PDZD8: variants seen among roughly 807,000 people sequenced by gnomAD.
PDZD8 encodes PDZ domain containing 8, also known as PDZ domain-containing protein 8.
Under a neutral mutation model 85.8 loss-of-function variants are expected in PDZD8, and 14 were observed. The ratio of observed to expected loss-of-function variants is 0.16; its 90% confidence interval spans 0.11 to 0.26. The LOEUF (loss-of-function observed/expected upper bound fraction) is 0.26, where lower values mean the gene tolerates loss of function less well. PDZD8 is among the 10% of genes least tolerant of loss of function. The pLI, the probability that PDZD8 is intolerant of heterozygous loss-of-function variation, is 1.00. For missense variants in PDZD8, 1,197 were observed against 1,424.3 expected (o/e 0.84, Z 2.57); for synonymous variants, 592 against 568.6 (o/e 1.04, Z -0.59).
At chr10:117,369,784 A>C (rs1002627419) in intron 1 of PDZD8, among the ~76,000 whole-genome samples, 31 of 152,322 alleles carry the variant, frequency 2.0e-4, no homozygotes, top group African/African-American at 7.5e-4. Context: ...TGAGAAATGC[A>C]GCACTGGCGC....
chr10:117,330,059 G>GTT (rs201478514), intron 2 of PDZD8, among the ~76,000 whole-genome samples: 10 of 114,804 alleles, frequency 8.7e-5, no homozygotes, highest in African/African-American at 3.4e-4. Context: ...GGAAAAATCT[G>GTT]TTTTTTTTTT....
intron 3 of PDZD8, among the ~76,000 whole-genome samples, chr10:117,314,661 C>T (rs1297400305): frequency 1.3e-5 from 2 of 152,130 alleles, no homozygotes; most frequent in African/African-American, 4.8e-5. Context: ...GTATGAAGTA[C>T]TTCTACTCTT....
chr10:117,335,662 A>G (rs1002140587), intron 2 of PDZD8, among the ~76,000 whole-genome samples: 5 of 152,196 alleles, frequency 3.3e-5, no homozygotes, highest in African/African-American at 1.2e-4. Flanking sequence ...AACAAACCCA[A>G]CTATATTTTA....
chr10:117,285,174 T>C lies in PDZD8; in HGVS notation c.1559A>G (p.His520Arg), dbSNP rs1369762497. The C allele has an allele frequency of 2.5e-6, 4 of 1,614,118 alleles. No homozygotes were observed. Among genetic ancestry groups the C allele is most frequent in the Non-Finnish European group, 2.5e-6 (3 of 1,180,036 alleles). ...EFKDEAQSLS[H>R]SPKRVPTTLS... ...TGTTGTTGGAACACGTTTGGGACTA[T>C]GACTTAATGATTGTGCCTCATCTTT... The change falls in exon 5 of 5, where the codon CAT (histidine) becomes CGT (arginine). Residue 520 changes from histidine to arginine, a missense_variant. Around this residue, in one of 4 missense-constraint regions of PDZD8, gnomAD observed 263 missense variants for 261.9 expected, o/e 1.00. Transcript: ENST00000334464.
At chr10:117,356,780 A>G (rs1282695061) in intron 1 of PDZD8, among the ~76,000 whole-genome samples, 1 of 152,208 alleles carries the variant, frequency 6.6e-6, no homozygotes, top group Non-Finnish European at 1.5e-5. Context: ...AATAACCCAG[A>G]TAGCTTATAA....
chr10:117,340,583 C>G (rs1844593799), intron 2 of PDZD8, among the ~76,000 whole-genome samples: 1 of 152,172 alleles, frequency 6.6e-6, no homozygotes, highest in African/African-American at 2.4e-5. Flanking sequence ...ACTTCAAGAC[C>G]TCACTGCAGT....
chr10:117,313,286 A>G (rs80189815), intron 3 of PDZD8, among the ~76,000 whole-genome samples: 3,778 of 152,322 alleles, frequency 0.025, 72 homozygotes, highest in South Asian at 0.039. Flanking sequence ...AAGACTTTGT[A>G]TAAGAAAAGA....
chr10:117,298,615 A>G (rs369807986), intron 3 of PDZD8, among the ~76,000 whole-genome samples: 1 of 152,112 alleles, frequency 6.6e-6, no homozygotes, highest in Admixed American at 6.6e-5. Context: ...TATATATCTG[A>G]TATCAGGACT....
intron 1 of PDZD8, among the ~76,000 whole-genome samples, chr10:117,356,908 C>G (rs987477721): frequency 2.0e-5 from 3 of 151,838 alleles, no homozygotes; most frequent in African/African-American, 7.3e-5. Flanking sequence ...TTTTATCTTT[C>G]AAAAAAACTA....
At chr10:117,326,173 A>G (rs1844313192) in intron 2 of PDZD8, among the ~76,000 whole-genome samples, 1 of 152,242 alleles carries the variant, frequency 6.6e-6, no homozygotes, top group African/African-American at 2.4e-5. Flanking sequence ...TCTTTATAGC[A>G]GCATGAGAAC....
chr10:117,351,612 C>CAT (rs1270632476), intron 1 of PDZD8, among the ~76,000 whole-genome samples: 1 of 152,136 alleles, frequency 6.6e-6, no homozygotes, highest in Non-Finnish European at 1.5e-5. Flanking sequence ...TGTAGACATT[C>CAT]ATGGAGCTGA....
intron 3 of PDZD8, among the ~76,000 whole-genome samples, chr10:117,306,687 TA>T (rs1564693976): frequency 4.0e-5 from 6 of 151,552 alleles, no homozygotes; most frequent in Admixed American, 2.0e-4. Context: ...GGTTTTTTTT[TA>T]AAAAATTACT....
chr10:117,290,195 C>A lies in PDZD8; in HGVS notation c.1252G>T (p.Ala418Ser). ...ATATTAGCATAATTACCTCCAATGG[C>A]GATAAGTCGATCTCCCCGCTGAAGA... Reference protein sequence around the residue: ...ADLQRGDRLIAIGGVKITSTL... With the variant: ...ADLQRGDRLISIGGVKITSTL... The change falls in exon 4 of 5, where the codon GCC (alanine) becomes TCC (serine). Residue 418 changes from alanine (A) to serine (S), a missense_variant. Transcript: ENST00000334464. The A allele has an allele frequency of 6.2e-7, 1 of 1,613,038 alleles. No individual in the cohort carries two copies. Among genetic ancestry groups the A allele is most frequent in the Non-Finnish European group, 8.5e-7 (1 of 1,179,574 alleles).
intron 3 of PDZD8, among the ~76,000 whole-genome samples, chr10:117,315,593 A>AC (rs1227307479): frequency 4.3e-5 from 6 of 140,058 alleles, no homozygotes; most frequent in African/African-American, 1.3e-4. Context: ...CTCTCAAAAA[A>AC]AAAAAAAAAA....
chr10:117,346,220 C>T (rs535573163), intron 1 of PDZD8, among the ~76,000 whole-genome samples: 102 of 124,474 alleles, frequency 8.2e-4, no homozygotes, highest in African/African-American at 2.9e-3. Context: ...GCAACAAGAG[C>T]GAAACTCCGT....
chr10:117,294,664 T>A (rs1325755468), intron 3 of PDZD8, among the ~76,000 whole-genome samples: 1 of 152,158 alleles, frequency 6.6e-6, no homozygotes, highest in Non-Finnish European at 1.5e-5. Flanking sequence ...AGTGGAATAC[T>A]ATTCAGCCAC....
chr10:117,323,857 C>T (rs1844269234), intron 2 of PDZD8, among the ~76,000 whole-genome samples: 1 of 152,130 alleles, frequency 6.6e-6, no homozygotes, highest in Admixed American at 6.6e-5. Context: ...GAAGCTGTTA[C>T]TGACTTGAAA....
Position 117,340,970 on chromosome 10 carries a change from A to G in PDZD8, c.995+10T>C. On this transcript the variant is annotated intron_variant, in intron 2 of 4. Coordinates refer to ENST00000334464, the MANE Select transcript of PDZD8 (RefSeq NM_173791.5). ...CCCGTAACTTAGTAATGACAAAACA[A>G]AGAACATACCTGCTACATTCTAACA... 6.2e-7 allele frequency: 1 copy of G among 1,613,866 alleles called. No individual in the cohort carries two copies. Among genetic ancestry groups the G allele is most frequent in the Non-Finnish European group, 8.5e-7 (1 of 1,179,812 alleles).
At chr10:117,341,235 C>G (rs1844606850) in intron 1 of PDZD8, 133 bp from the exon 2 acceptor site, 3 of 902,740 alleles carry the variant, frequency 3.3e-6, no homozygotes. Flanking sequence ...AAAACCAAAG[C>G]TTACCACACT....
Sources: allele counts gnomAD v4.1 joint callset (sites outside exome capture counted in the v4.1 genomes callset), GRCh38; gene constraint gnomAD v4.1.1; regional missense constraint gnomAD v4.1.1; transcripts MANE v1.5; gene names NCBI Gene and HGNC (gene_info 2026-07-23, HGNC 2026-07-21).